The following RBFOX1 variants were observed in gnomAD, a reference collection of about 807,000 sequenced individuals.
RBFOX1 encodes the protein RNA binding fox-1 homolog 1, also known as RNA binding protein fox-1 homolog 1.
In RBFOX1, 8 loss-of-function variants were observed where a neutral mutation model predicts 57.7. The ratio of observed to expected loss-of-function variants is 0.14; its 90% CI spans 0.08 to 0.25. RBFOX1 has a LOEUF of 0.25. Among genes scored for constraint, RBFOX1 ranks in the 10% least tolerant of loss-of-function variants. The probability of loss-of-function intolerance (pLI) is 1.00; values close to 1 mark genes in which losing one functional copy is unlikely to be tolerated. For synonymous variants in RBFOX1, 326 were observed against 222.4 expected (o/e 1.47, Z -4.15); for missense variants, 611 against 548.5 (o/e 1.11, Z -1.14).
chr16:6,910,615 G>C (rs79301530), intron 3 of RBFOX1, among the ~76,000 whole-genome samples: 226 of 152,288 alleles, frequency 1.5e-3, no homozygotes, highest in African/African-American at 5.3e-3. Flanking sequence ...GGTTTTATGG[G>C]AGAAGGCAGT....
At chr16:7,525,271 T>A (rs143671525) in intron 5 of RBFOX1, among the ~76,000 whole-genome samples, 66 of 152,288 alleles carry the variant, frequency 4.3e-4, no homozygotes, top group Middle Eastern at 3.4e-3. Context: ...TGTATCATAT[T>A]TAGGGGTTCA....
At chr16:7,267,315 A>G (rs2095182922) in intron 4 of RBFOX1, among the ~76,000 whole-genome samples, 1 of 152,056 alleles carries the variant, frequency 6.6e-6, no homozygotes, top group African/African-American at 2.4e-5. Context: ...GGGGCGGATC[A>G]CTTGAGGTCG....
chr16:7,374,604 A>C (rs536542373), intron 4 of RBFOX1, among the ~76,000 whole-genome samples: 1 of 152,286 alleles, frequency 6.6e-6, no homozygotes, highest in African/African-American at 2.4e-5. Context: ...AATCTGCATG[A>C]GATGAAGGGT....
intron 3 of RBFOX1, among the ~76,000 whole-genome samples, chr16:5,865,101 G>C (rs2057316007): frequency 1.3e-5 from 2 of 152,144 alleles, no homozygotes; most frequent in Non-Finnish European, 2.9e-5. Flanking sequence ...ATGACTTGGG[G>C]GACATCAGAG....
At chr16:5,842,727 C>T (rs2056656018) in intron 3 of RBFOX1, among the ~76,000 whole-genome samples, 1 of 152,134 alleles carries the variant, frequency 6.6e-6, no homozygotes, top group Admixed American at 6.5e-5. Context: ...ATGGGTTAGT[C>T]CCATAATAAT....
intron 1 of RBFOX1, among the ~76,000 whole-genome samples, chr16:5,279,229 C>T (rs2063213251): frequency 6.6e-6 from 1 of 152,078 alleles, no homozygotes; most frequent in Admixed American, 6.6e-5. Context: ...GATGCTTTTC[C>T]ATTTGTTTGT....
chr16:7,374,713 T>A (rs974367597), intron 4 of RBFOX1, among the ~76,000 whole-genome samples: 2 of 152,220 alleles, frequency 1.3e-5, no homozygotes, highest in African/African-American at 4.8e-5. Context: ...CTTCAACACG[T>A]ACTCGGTCCC....
intron 1 of RBFOX1, among the ~76,000 whole-genome samples, chr16:6,135,808 TTTTTG>T (rs2096662680): frequency 7.0e-6 from 1 of 143,150 alleles, no homozygotes; most frequent in African/African-American, 2.7e-5. Context: ...TTTTTTTTTT[TTTTTG>T]AGACACAGTC....
At chr16:6,455,461 T>C (rs1298350623) in intron 2 of RBFOX1, among the ~76,000 whole-genome samples, 1 of 152,156 alleles carries the variant, frequency 6.6e-6, no homozygotes, top group Non-Finnish European at 1.5e-5. Flanking sequence ...TAGCCTCCCG[T>C]TGAGTGGCAG....
At chr16:5,361,593 G>A (rs531632708) in intron 1 of RBFOX1, among the ~76,000 whole-genome samples, 2 of 152,318 alleles carry the variant, frequency 1.3e-5, no homozygotes, top group South Asian at 4.1e-4. Context: ...GACAGTGACA[G>A]CAGAACATGG....
chr16:6,937,344 C>G (rs780053401), intron 3 of RBFOX1, among the ~76,000 whole-genome samples: 3 of 152,066 alleles, frequency 2.0e-5, no homozygotes, highest in African/African-American at 7.2e-5. Context: ...CACAATGTAT[C>G]TTTTGAAGTA....
chr16:7,056,913 A>G (rs1436267876), intron 4 of RBFOX1, among the ~76,000 whole-genome samples: 2 of 152,174 alleles, frequency 1.3e-5, no homozygotes, highest in African/African-American at 4.8e-5. Context: ...ACTTAGGTTC[A>G]GATCCCACTT....
At chr16:6,379,730 A>G (rs903305779) in intron 2 of RBFOX1, among the ~76,000 whole-genome samples, 6 of 151,540 alleles carry the variant, frequency 4.0e-5, no homozygotes, top group African/African-American at 1.2e-4. Flanking sequence ...TGATGGTGGG[A>G]ATATGCCAGA....
At chr16:5,277,877 A>G (rs1307712741) in intron 1 of RBFOX1, among the ~76,000 whole-genome samples, 1 of 151,928 alleles carries the variant, frequency 6.6e-6, no homozygotes, top group Admixed American at 6.6e-5. Context: ...GTATATTCCC[A>G]TTTTCTTTAT....
chr16:5,910,208 A>G (rs1006416690), intron 4 of RBFOX1, among the ~76,000 whole-genome samples: 7 of 152,152 alleles, frequency 4.6e-5, no homozygotes, highest in African/African-American at 1.7e-4. Flanking sequence ...GGTTCTCAGA[A>G]TGAGAAGGGA....
chr16:5,971,599 A>T (rs1448840879), intron 4 of RBFOX1, among the ~76,000 whole-genome samples: 1 of 152,234 alleles, frequency 6.6e-6, no homozygotes, highest in Non-Finnish European at 1.5e-5. Flanking sequence ...GGTCTTGGAT[A>T]ACTAATTTAA....
intron 6 of RBFOX1, among the ~76,000 whole-genome samples, chr16:7,586,745 G>C (rs550061894): frequency 1.1e-3 from 169 of 152,332 alleles, no homozygotes; most frequent in African/African-American, 3.5e-3. Flanking sequence ...ATAGTGCCTA[G>C]ATAGTGGAGT....
intron 3 of RBFOX1, among the ~76,000 whole-genome samples, chr16:5,827,465 A>G (rs925238943): frequency 6.6e-6 from 1 of 151,758 alleles, no homozygotes; most frequent in South Asian, 2.1e-4. Context: ...CTACTTCTAC[A>G]CAGTAGTTGA....
At chr16:5,372,757 G>C (rs1240452732) in intron 1 of RBFOX1, among the ~76,000 whole-genome samples, 3 of 152,222 alleles carry the variant, frequency 2.0e-5, no homozygotes, top group Non-Finnish European at 4.4e-5. Flanking sequence ...TTATTAGTTT[G>C]ATTGCAAATA....
Sources: allele counts gnomAD v4.1 joint callset (sites outside exome capture counted in the v4.1 genomes callset), GRCh38; gene constraint gnomAD v4.1.1; transcripts MANE v1.5; gene names NCBI Gene and HGNC (gene_info 2026-07-23, HGNC 2026-07-21).